Variants in PCDH9 observed in about 807,000 individuals in gnomAD.
PCDH9 encodes the protein protocadherin 9, also known as protocadherin-9.
In PCDH9, 24 loss-of-function variants were observed where a neutral mutation model predicts 70.6. That is an observed-to-expected ratio of 0.34 (90% CI 0.25 to 0.48). The LOEUF is 0.48. PCDH9 is among the 20% of genes least tolerant of loss of function. PCDH9 has a pLI of 0.99. For synonymous variants in PCDH9, 562 were observed against 558.5 expected (o/e 1.01, Z -0.09); for missense variants, 1,281 against 1,503.6 (o/e 0.85, Z 2.45).
intron 4 of PCDH9, among the ~76,000 whole-genome samples, chr13:66,369,239 A>T (rs1956605255): frequency 6.6e-6 from 1 of 152,106 alleles, no homozygotes; most frequent in Non-Finnish European, 1.5e-5. Flanking sequence ...TCTGAGAAGA[A>T]TATGTGGTTA....
intron 4 of PCDH9, among the ~76,000 whole-genome samples, chr13:66,512,640 A>T (rs772137899): frequency 9.2e-5 from 14 of 151,572 alleles, no homozygotes; most frequent in Non-Finnish European, 2.9e-5. Flanking sequence ...GAGAAGTAAA[A>T]CACACACACA....
chr13:66,861,360 G>A (rs2081481406), intron 3 of PCDH9, among the ~76,000 whole-genome samples: 1 of 152,128 alleles, frequency 6.6e-6, no homozygotes, highest in African/African-American at 2.4e-5. Flanking sequence ...ACAACTGATT[G>A]AGCCCTCTAT....
At chr13:66,555,852 A>C (rs1961713011) in intron 4 of PCDH9, among the ~76,000 whole-genome samples, 1 of 149,824 alleles carries the variant, frequency 6.7e-6, no homozygotes, top group Non-Finnish European at 1.5e-5. Context: ...ATTTTAAAAA[A>C]CTCTAGATAA....
At chr13:66,360,938 A>T (rs1956461099) in intron 4 of PCDH9, among the ~76,000 whole-genome samples, 1 of 152,076 alleles carries the variant, frequency 6.6e-6, no homozygotes, top group Admixed American at 6.6e-5. Context: ...CTCCCAGCTG[A>T]GCTAATTTTT....
intron 4 of PCDH9, among the ~76,000 whole-genome samples, chr13:66,443,114 G>T (rs1201590772): frequency 6.6e-6 from 1 of 152,154 alleles, no homozygotes; most frequent in Non-Finnish European, 1.5e-5. Context: ...AAAACAGACA[G>T]AAAATGTATT....
intron 4 of PCDH9, among the ~76,000 whole-genome samples, chr13:66,431,554 C>A (rs1384236542): frequency 6.6e-6 from 1 of 151,986 alleles, no homozygotes; most frequent in Non-Finnish European, 1.5e-5. Context: ...TGCATCGTAT[C>A]TAATTTGGCA....
intron 2 of PCDH9, among the ~76,000 whole-genome samples, chr13:67,123,677 T>G (rs2086919079): frequency 6.6e-6 from 1 of 152,146 alleles, no homozygotes; most frequent in African/African-American, 2.4e-5. Flanking sequence ...CAACTAAACA[T>G]TCATAATTTT....
At chr13:67,014,350 T>TA (rs2084515154) in intron 2 of PCDH9, among the ~76,000 whole-genome samples, 1 of 152,110 alleles carries the variant, frequency 6.6e-6, no homozygotes, top group African/African-American at 2.4e-5. Flanking sequence ...TGCTCTCATA[T>TA]TGCTTTCCTC....
rs758921979 is a variant in PCDH9 at position 67,225,535 on chromosome 13, A to G, written c.2906T>C (p.Leu969Ser). ...ACAACCCCCAACAAAGGTGTTGTCCAAAGGGAGTTCCTGAATCACGTGGTG... is the reference window on the plus strand; with the variant it reads ...ACAACCCCCAACAAAGGTGTTGTCCGAAGGGAGTTCCTGAATCACGTGGTG... ...KKHHVIQELP[L>S]DNTFVGGCDT... The change falls in exon 2 of 5, where the codon TTG becomes TCG. Residue 969 changes from leucine to serine, a missense_variant. By Grantham distance (145) the Leu-to-Ser change is moderately radical. This residue lies in a region of PCDH9 where 207 missense variants were observed against 191.8 expected (regional missense o/e 1.08). Coordinates refer to ENST00000377865, the MANE Select transcript of PCDH9 (RefSeq NM_203487.3). 1 of 1,614,106 alleles carries G rather than the reference A, an allele frequency of 6.2e-7. No homozygotes were observed.
intron 3 of PCDH9, among the ~76,000 whole-genome samples, chr13:66,674,064 T>C (rs971605164): frequency 4.1e-4 from 63 of 152,058 alleles, no homozygotes; most frequent in Admixed American, 2.7e-3. Context: ...TATTAATACA[T>C]TTATTCACAT....
At position 67,041,556 on chromosome 13, in the gene PCDH9, GTGCAGT is replaced by G. The variant is rs566392994; in HGVS notation, c.3037-137957_3037-137952del. On this transcript the variant is annotated intron_variant, in intron 2 of 4. Coordinates refer to ENST00000377865, the MANE Select transcript of PCDH9 (RefSeq NM_203487.3). ...TAAGACTGTACCTGTCTATGGCCAG[GTGCAGT>G]GGCTCACGCCTGTAATCCCAGCACT... Among the ~76,000 whole-genome samples, 329 of 152,214 alleles carry G rather than the reference GTGCAGT, an allele frequency of 2.2e-3. 4 individuals are homozygous for G. In the East Asian group the frequency reaches 0.029, roughly 13 times the overall value.
At chr13:66,920,651 C>T (rs1486322922) in intron 2 of PCDH9, among the ~76,000 whole-genome samples, 2 of 151,094 alleles carry the variant, frequency 1.3e-5, no homozygotes, top group Non-Finnish European at 3.0e-5. Context: ...CACAAAACCC[C>T]AATCCTCAAG....
chr13:66,710,104 T>C (rs969286498), intron 3 of PCDH9, among the ~76,000 whole-genome samples: 1 of 152,182 alleles, frequency 6.6e-6, no homozygotes, highest in African/African-American at 2.4e-5. Flanking sequence ...CTTGACATTA[T>C]ACACATTGAC....
At chr13:67,113,508 T>C (rs1056130004) in intron 2 of PCDH9, among the ~76,000 whole-genome samples, 1 of 151,884 alleles carries the variant, frequency 6.6e-6, no homozygotes, top group African/African-American at 2.4e-5. Context: ...TCCCATATGG[T>C]AACAGAAAAA....
intron 4 of PCDH9, among the ~76,000 whole-genome samples, chr13:66,483,578 G>T (rs1958880845): frequency 1.3e-5 from 2 of 152,186 alleles, no homozygotes; most frequent in African/African-American, 4.8e-5. Context: ...TTGTTAAAAG[G>T]AATACTCTTG....
At chr13:66,555,591 T>A (rs1481657172) in intron 4 of PCDH9, among the ~76,000 whole-genome samples, 1 of 152,022 alleles carries the variant, frequency 6.6e-6, no homozygotes, top group Non-Finnish European at 1.5e-5. Context: ...AAACTTGTCA[T>A]TTACACATCA....
At chr13:66,336,838 C>T (rs1956045934) in intron 4 of PCDH9, among the ~76,000 whole-genome samples, 2 of 151,884 alleles carry the variant, frequency 1.3e-5, no homozygotes, top group South Asian at 4.1e-4. Context: ...CTCCTAATTC[C>T]AAATACTCTA....
intron 2 of PCDH9, among the ~76,000 whole-genome samples, chr13:67,120,273 C>G (rs1292115890): frequency 1.3e-5 from 2 of 151,502 alleles, no homozygotes; most frequent in Non-Finnish European, 2.9e-5. Context: ...TCACTTAGAT[C>G]TGCATTATTG....
intron 4 of PCDH9, among the ~76,000 whole-genome samples, chr13:66,330,246 T>C (rs1955919709): frequency 6.6e-6 from 1 of 152,202 alleles, no homozygotes; most frequent in Non-Finnish European, 1.5e-5. Flanking sequence ...ACTGGCTGCT[T>C]ATTCAGGATG....
Sources: allele counts gnomAD v4.1 joint callset (sites outside exome capture counted in the v4.1 genomes callset), GRCh38; gene constraint gnomAD v4.1.1; regional missense constraint gnomAD v4.1.1; transcripts MANE v1.5; gene names NCBI Gene and HGNC (gene_info 2026-07-23, HGNC 2026-07-21).